RAP1GDS1: variants seen among roughly 807,000 people sequenced by gnomAD.
RAP1GDS1 encodes Rap1 GTPase-GDP dissociation stimulator 1.
In RAP1GDS1, 35 loss-of-function variants were observed where a neutral mutation model predicts 71.1. That is an observed-to-expected ratio of 0.49 (90% CI 0.38 to 0.65). The LOEUF (loss-of-function observed/expected upper bound fraction) is 0.65. RAP1GDS1 is among the 30% of genes least tolerant of loss of function. The pLI, the probability that RAP1GDS1 is intolerant of heterozygous loss-of-function variation, is 0.00. For synonymous variants in RAP1GDS1, 229 were observed against 243.1 expected, an observed-to-expected ratio of 0.94 and a Z score of 0.54; for missense variants, 663 against 706.1, an observed-to-expected ratio of 0.94 and a Z score of 0.69.
At chr4:98,318,342 G>A (rs1731252156) in intron 2 of RAP1GDS1, among the ~76,000 whole-genome samples, 1 of 152,084 alleles carries the variant, frequency 6.6e-6, no homozygotes, top group African/African-American at 2.4e-5. Flanking sequence ...TGTATACAAT[G>A]TTTTTTCCGG....
chr4:98,364,922 C>A (rs776060998), intron 4 of RAP1GDS1, among the ~76,000 whole-genome samples: 7 of 151,764 alleles, frequency 4.6e-5, no homozygotes, highest in Non-Finnish European at 8.8e-5. Context: ...CCAGCTACTC[C>A]AGAGGCTGAG....
intron 4 of RAP1GDS1, among the ~76,000 whole-genome samples, chr4:98,370,664 G>C (rs1740234500): frequency 6.6e-6 from 1 of 151,536 alleles, no homozygotes; most frequent in Non-Finnish European, 1.5e-5. Context: ...TCCACCTCCT[G>C]GGTTCAAGCG....
intron 2 of RAP1GDS1, among the ~76,000 whole-genome samples, chr4:98,333,066 A>G (rs942073661): frequency 6.6e-6 from 1 of 152,076 alleles, no homozygotes; most frequent in Non-Finnish European, 1.5e-5. Flanking sequence ...ATACAAAATT[A>G]TTCTCTTTTT....
chr4:98,261,650 G>A (rs1452676222), intron 1 of RAP1GDS1, 81 bp downstream of exon 1: 5 of 1,496,512 alleles, frequency 3.3e-6, no homozygotes, highest in Non-Finnish European at 4.6e-6. Flanking sequence ...CATTTCTCGC[G>A]CAAAGTTGCC....
At position 98,352,542 on chromosome 4, in the gene RAP1GDS1, A is replaced by G. The variant is rs1486514140; in HGVS notation, c.302A>G (p.Lys101Arg). ...ISPLVQLLNS[K>R]DQEVLLQTGR... Reference sequence around the variant, plus strand: ...CCACTGGTGCAGCTGCTAAATAGCAAAGACCAGGAAGTGCTGCTTCAAACG... The same window carrying G: ...CCACTGGTGCAGCTGCTAAATAGCAGAGACCAGGAAGTGCTGCTTCAAACG... The change falls in exon 4 of 15, where the codon AAA becomes AGA. Residue 101 changes from lysine to arginine, a missense_variant. Coordinates refer to ENST00000408927, the MANE Select transcript of RAP1GDS1 (RefSeq NM_001100427.2). 2 of 1,614,020 alleles carry G rather than the reference A, an allele frequency of 1.2e-6. No homozygotes were observed. Among genetic ancestry groups the G allele is most frequent in the Non-Finnish European group, 1.7e-6 (2 of 1,179,982 alleles).
chr4:98,395,460 A>T (rs569029520), intron 6 of RAP1GDS1, among the ~76,000 whole-genome samples: 4 of 152,184 alleles, frequency 2.6e-5, no homozygotes, highest in Admixed American at 2.6e-4. Flanking sequence ...GTGCTTTCTC[A>T]CTAAGCAGTG....
intron 2 of RAP1GDS1, among the ~76,000 whole-genome samples, chr4:98,339,075 T>C (rs1735125215): frequency 6.6e-6 from 1 of 152,224 alleles, no homozygotes; most frequent in African/African-American, 2.4e-5. Flanking sequence ...CTTTAAACTC[T>C]GCTCATATGA....
At chr4:98,348,139 C>T (rs775161770) in intron 3 of RAP1GDS1, among the ~76,000 whole-genome samples, 2 of 151,958 alleles carry the variant, frequency 1.3e-5, no homozygotes, top group Non-Finnish European at 1.5e-5. Flanking sequence ...CAACAGGCCC[C>T]GGTGTGTGAT....
intron 1 of RAP1GDS1, among the ~76,000 whole-genome samples, chr4:98,271,464 T>C (rs1723445012): frequency 6.6e-6 from 1 of 152,086 alleles, no homozygotes. Context: ...GCTAAAATAG[T>C]GTCACTGAAT....
intron 1 of RAP1GDS1, among the ~76,000 whole-genome samples, chr4:98,264,236 C>CA (rs1244373046): frequency 2.6e-5 from 4 of 151,896 alleles, no homozygotes; most frequent in Non-Finnish European, 4.4e-5. Flanking sequence ...ACTAAAAATA[C>CA]AAAAAAACAA....
intron 4 of RAP1GDS1, among the ~76,000 whole-genome samples, chr4:98,376,324 T>G (rs942108509): frequency 6.6e-6 from 1 of 152,106 alleles, no homozygotes; most frequent in South Asian, 2.1e-4. Flanking sequence ...AAGTTTAGGA[T>G]AGGGAACCTT....
intron 2 of RAP1GDS1, among the ~76,000 whole-genome samples, chr4:98,305,131 G>A (rs1392302362): frequency 6.6e-6 from 1 of 152,066 alleles, no homozygotes; most frequent in East Asian, 1.9e-4. Flanking sequence ...TTTTTGCTTA[G>A]GATTGTCTTG....
At chr4:98,296,913 T>C (rs1727842045) in intron 2 of RAP1GDS1, 1 of 394,934 alleles carries the variant, frequency 2.5e-6, no homozygotes, top group South Asian at 1.8e-5. Flanking sequence ...TTATTCCATT[T>C]TGAGGATGAA....
At chr4:98,407,255 A>G (rs1356861400) in intron 7 of RAP1GDS1, among the ~76,000 whole-genome samples, 1 of 151,024 alleles carries the variant, frequency 6.6e-6, no homozygotes, top group African/African-American at 2.4e-5. Flanking sequence ...TTTTTTTGTT[A>G]ATCTAGCTAG....
chr4:98,420,429 G>A (rs868528920), intron 11 of RAP1GDS1, among the ~76,000 whole-genome samples: 8 of 151,468 alleles, frequency 5.3e-5, no homozygotes, highest in African/African-American at 1.2e-4. Context: ...GCAGTGGTGC[G>A]ACCTCAGCTC....
chr4:98,382,701 A>G (rs2110110736), intron 5 of RAP1GDS1, among the ~76,000 whole-genome samples: 1 of 151,752 alleles, frequency 6.6e-6, no homozygotes, highest in East Asian at 1.9e-4. Context: ...TTTAGCACAT[A>G]GGAGTTTGGA....
intron 4 of RAP1GDS1, among the ~76,000 whole-genome samples, chr4:98,359,436 A>G (rs1738416544): frequency 1.3e-5 from 2 of 152,170 alleles, no homozygotes. Context: ...AGGGCACTCA[A>G]AAGTGTATTT....
At chr4:98,320,680 G>C (rs1329745041) in intron 2 of RAP1GDS1, among the ~76,000 whole-genome samples, 1 of 151,080 alleles carries the variant, frequency 6.6e-6, no homozygotes, top group African/African-American at 2.5e-5. Context: ...TCACACGGCA[G>C]GGTATTCCAA....
chr4:98,316,234 T>C (rs1220971504), intron 2 of RAP1GDS1, among the ~76,000 whole-genome samples: 1 of 151,924 alleles, frequency 6.6e-6, no homozygotes, highest in Non-Finnish European at 1.5e-5. Flanking sequence ...AAGCATGACA[T>C]GAATTATGGA....
Sources: allele counts gnomAD v4.1 joint callset (sites outside exome capture counted in the v4.1 genomes callset), GRCh38; gene constraint gnomAD v4.1.1; transcripts MANE v1.5; gene names NCBI Gene and HGNC (gene_info 2026-07-23, HGNC 2026-07-21).